Variants in MAOB observed in about 807,000 individuals in gnomAD.
MAOB encodes amine oxidase [flavin-containing] B.
In MAOB, 15 loss-of-function variants were observed where a neutral mutation model predicts 41.9. The ratio of observed to expected loss-of-function variants is 0.36; its 90% CI spans 0.24 to 0.55. MAOB has a LOEUF of 0.55. MAOB is among the 20% of genes least tolerant of loss of function. MAOB has a pLI of 0.86. For missense variants in MAOB, 345 were observed against 398.7 expected (o/e 0.87, Z 1.15); for synonymous variants, 167 against 144.2 (o/e 1.16, Z -1.13).
chrX:43,803,219 T>G, intron 4 of MAOB, 81 bp downstream of exon 4: 1 of 870,334 alleles, frequency 1.1e-6, no homozygotes, highest in Non-Finnish European at 1.6e-6. Flanking sequence ...TGCTAGGTGT[T>G]GGAGATATAT....
intron 12 of MAOB, among the ~76,000 whole-genome samples, chrX:43,772,291 C>T (rs2034194649): frequency 9.0e-6 from 1 of 111,406 alleles, no homozygotes; most frequent in African/African-American, 3.3e-5. Context: ...TGACATATAT[C>T]CCTGGGAAGG....
chrX:43,832,924 C>T (rs936360862), intron 3 of MAOB, among the ~76,000 whole-genome samples: 13 of 111,609 alleles, frequency 1.2e-4, no homozygotes, highest in Non-Finnish European at 2.4e-4. Context: ...CTGTACTCAA[C>T]TGTGGAAAAT....
At chrX:43,780,448 A>G (rs1007787015) in intron 9 of MAOB, 53 bp from the exon 10 acceptor site, 1 of 977,110 alleles carries the variant, frequency 1.0e-6, no homozygotes, top group Non-Finnish European at 1.5e-6. Flanking sequence ...GTTTCATCCT[A>G]GCCTCATTTT....
At chrX:43,796,710 G>T (rs1198090603) in intron 6 of MAOB, among the ~76,000 whole-genome samples, 1 of 111,598 alleles carries the variant, frequency 9.0e-6, no homozygotes, top group Non-Finnish European at 1.9e-5. Context: ...CAGTGCCGGG[G>T]CTCAAGAAAT....
rs775115544 is a variant in MAOB, at chrX:43,858,953, ATTAC to A, written c.47-15193_47-15190del. 1.5e-4 allele frequency among the ~76,000 whole-genome samples: 17 copies of A among 111,738 alleles called. No individual in the cohort carries two copies. The East Asian group carries it at 4.8e-3, about 31-fold the overall frequency. ...AGGCCTCAAATGGAACTCAGATGAAATTACTTATACCTTCATTAGGTTCAATCCC... is the reference window on the plus strand; with the variant it reads ...AGGCCTCAAATGGAACTCAGATGAAATTATACCTTCATTAGGTTCAATCCC... On this transcript the variant is annotated intron_variant, in intron 1 of 14. Coordinates refer to ENST00000378069, the MANE Select transcript of MAOB (RefSeq NM_000898.5).
In MAOB at chrX:43,872,873, C is replaced by T. The variant is rs748163053; in HGVS notation, c.46+9381G>A. On this transcript the variant is annotated intron_variant, in intron 1 of 14. Coordinates refer to ENST00000378069, the MANE Select transcript of MAOB (RefSeq NM_000898.5). Reference sequence around the variant, plus strand: ...TTCAATTATGGATGATTTTCATTTTCTTTTTGCCATTTTCTATAATTTACA... The same window carrying T: ...TTCAATTATGGATGATTTTCATTTTTTTTTTGCCATTTTCTATAATTTACA... Among the ~76,000 whole-genome samples, 3 of 111,908 alleles carry T rather than the reference C, an allele frequency of 2.7e-5. No homozygotes were observed. The South Asian group carries it at 1.1e-3, about 42-fold the overall frequency.
intron 8 of MAOB, among the ~76,000 whole-genome samples, chrX:43,785,995 G>A (rs771368708): frequency 9.9e-5 from 11 of 111,637 alleles, no homozygotes; most frequent in South Asian, 3.9e-4. Flanking sequence ...GTGAGTACAC[G>A]CTGTTGGAAA....
chrX:43,843,355 TCTCA>T (rs1248128801), intron 2 of MAOB, among the ~76,000 whole-genome samples: 20 of 74,540 alleles, frequency 2.7e-4, no homozygotes, highest in African/African-American at 5.4e-4. Context: ...TCTCTCTCTG[TCTCA>T]CACACACACA....
chrX:43,841,648 A>G (rs1412805623), intron 2 of MAOB, among the ~76,000 whole-genome samples: 1 of 112,123 alleles, frequency 8.9e-6, no homozygotes, highest in African/African-American at 3.2e-5. Context: ...ATACTACCCA[A>G]CTTCAAAATA....
rs757887815 is a variant in MAOB, at chrX:43,840,478, G to A, written c.142-1473C>T. Among the ~76,000 whole-genome samples the A allele has an allele frequency of 3.0e-4, 33 of 111,609 alleles. No individual in the cohort carries two copies. In the South Asian group the frequency reaches 7.6e-3, roughly 26 times the overall value. On this transcript the variant is annotated intron_variant, in intron 2 of 14. Transcript: ENST00000378069. Reference sequence around the variant, plus strand: ...TATAAAGGAGATGACTCAAAGTAAAGAATGAGTACAGAGGGCTGGCAAGAT... The same window carrying A: ...TATAAAGGAGATGACTCAAAGTAAAAAATGAGTACAGAGGGCTGGCAAGAT...
chrX:43,810,072 T>G (rs1473476395), intron 3 of MAOB, among the ~76,000 whole-genome samples: 2 of 97,929 alleles, frequency 2.0e-5, no homozygotes, highest in African/African-American at 8.8e-5. Context: ...TGAAACCCCG[T>G]CTCTACTAAA....
At chrX:43,821,631 A>G in intron 3 of MAOB, among the ~76,000 whole-genome samples, 1 of 111,703 alleles carries the variant, frequency 9.0e-6, no homozygotes, top group Admixed American at 9.5e-5. Flanking sequence ...TTCTAAAATA[A>G]AAGATTTTTC....
chrX:43,788,171 C>A (rs927721923), intron 8 of MAOB, among the ~76,000 whole-genome samples: 2 of 110,672 alleles, frequency 1.8e-5, no homozygotes, highest in Non-Finnish European at 3.8e-5. Context: ...AGACGGGAGG[C>A]AAGAGAGAGG....
chrX:43,785,851 C>T (rs1479512901), intron 8 of MAOB, among the ~76,000 whole-genome samples: 2 of 111,830 alleles, frequency 1.8e-5, no homozygotes, highest in Non-Finnish European at 3.8e-5. Context: ...TATATGGGTG[C>T]TGTTTATGGA....
At chrX:43,769,023 C>G (rs887477344) in intron 13 of MAOB, among the ~76,000 whole-genome samples, 1 of 111,735 alleles carries the variant, frequency 8.9e-6, no homozygotes, top group Non-Finnish European at 1.9e-5. Context: ...CTAATAGAAG[C>G]ATGTTTGGTT....
At chrX:43,848,887 G>A (rs932842768) in intron 1 of MAOB, among the ~76,000 whole-genome samples, 9 of 111,698 alleles carry the variant, frequency 8.1e-5, no homozygotes, top group Non-Finnish European at 1.7e-4. Flanking sequence ...CAAAGCAGTG[G>A]TTTTATGAGA....
In MAOB at chrX:43,792,298, T is replaced by C. The variant is rs763710632; in HGVS notation, c.928+1121A>G. 9.2e-4 allele frequency among the ~76,000 whole-genome samples: 103 copies of C among 112,281 alleles called. 1 individual carries two copies. The highest frequency in any genetic ancestry group is 8.1e-4 in the Non-Finnish European group (43 of 53,303). Reference sequence around the variant, plus strand: ...ACAGTTACATGCAAACACATGTCTTTAAGTTTTCAAAAGCAATTGAAACAA... The same window carrying C: ...ACAGTTACATGCAAACACATGTCTTCAAGTTTTCAAAAGCAATTGAAACAA... On this transcript the variant is annotated intron_variant, in intron 8 of 14. Transcript: ENST00000378069.
In MAOB at chrX:43,882,379, AGCCCGCCCGCCTGCCCGCCG is replaced by A. The variant is rs2035479274; in HGVS notation, c.-100_-81del. ...TCGATCCCAGTCCTGCCTGCCAGCC[AGCCCGCCCGCCTGCCCGCCG>A]GCCTGCTGCGCGCTGCCCCCGTGCA... is the stretch of plus-strand genomic sequence containing the variant. On this transcript the variant is annotated 5_prime_UTR_variant, in exon 1 of 15. Coordinates refer to ENST00000378069, the MANE Select transcript of MAOB (RefSeq NM_000898.5). The A allele has an allele frequency of 8.9e-7, 1 of 1,126,448 alleles. No homozygotes were observed. The highest frequency in any genetic ancestry group is 1.2e-6 in the Non-Finnish European group (1 of 854,969). The allele number at this position is 1,126,448 out of a possible 1,213,427, so 92.8% of individuals were successfully genotyped here. A position where few individuals can be genotyped will look rare whatever the true frequency, so the allele number is the denominator to read the frequency against.
intron 8 of MAOB, among the ~76,000 whole-genome samples, chrX:43,791,893 A>G (rs1436041233): frequency 1.8e-5 from 2 of 112,741 alleles, no homozygotes; most frequent in Non-Finnish European, 3.7e-5. Flanking sequence ...CCATCATTGT[A>G]GAATCCAGCA....
Sources: allele counts gnomAD v4.1 joint callset (sites outside exome capture counted in the v4.1 genomes callset), GRCh38; gene constraint gnomAD v4.1.1; transcripts MANE v1.5; gene names NCBI Gene and HGNC (gene_info 2026-07-23, HGNC 2026-07-21).